Variants in CDC42SE2 observed in about 807,000 individuals in gnomAD.
CDC42SE2 encodes CDC42 small effector 2, also known as CDC42 small effector protein 2.
A neutral mutation model predicts 11.5 loss-of-function variants in CDC42SE2; 3 were observed. The ratio of observed to expected loss-of-function variants is 0.26; its 90% CI spans 0.12 to 0.67. The LOEUF (loss-of-function observed/expected upper bound fraction) is 0.67, where lower values mean the gene tolerates loss of function less well. Among genes scored for constraint, CDC42SE2 ranks in the 30% least tolerant of loss-of-function variants. The pLI is 0.80. For synonymous variants in CDC42SE2, 33 were observed against 34.8 expected (o/e 0.95, Z 0.18); for missense variants, 82 against 106.8 (o/e 0.77, Z 1.02).
chr5:131,378,755 G>A (rs1194341641), intron 3 of CDC42SE2, among the ~76,000 whole-genome samples: 6 of 152,166 alleles, frequency 3.9e-5, no homozygotes, highest in Admixed American at 3.9e-4. Flanking sequence ...TTCTCAAACT[G>A]TGGAATCAGA....
At chr5:131,341,152 C>G (rs925487551) in intron 2 of CDC42SE2, among the ~76,000 whole-genome samples, 2 of 152,112 alleles carry the variant, frequency 1.3e-5, no homozygotes, top group African/African-American at 2.4e-5. Flanking sequence ...GGTATAGGTA[C>G]TATTATTTTC....
the CDC42SE2 span, among the ~76,000 whole-genome samples, chr5:131,217,536 G>A: frequency 6.6e-6 from 1 of 152,138 alleles, no homozygotes; most frequent in Admixed American, 6.6e-5. Flanking sequence ...ATCAACATGG[G>A]AAAAAATATT....
intron 3 of CDC42SE2, among the ~76,000 whole-genome samples, chr5:131,359,775 G>A (rs1749655338): frequency 6.6e-6 from 1 of 152,184 alleles, no homozygotes. Flanking sequence ...ATGACTGAGA[G>A]GAGGTGTTCT....
intron 2 of CDC42SE2, among the ~76,000 whole-genome samples, chr5:131,322,344 C>T (rs1758209751): frequency 6.6e-6 from 1 of 152,074 alleles, no homozygotes; most frequent in Admixed American, 6.6e-5. Context: ...ATTGCCATCC[C>T]CCAGTACCCA....
chr5:131,339,836 T>C (rs1337993850), intron 2 of CDC42SE2, among the ~76,000 whole-genome samples: 4 of 151,064 alleles, frequency 2.6e-5, no homozygotes, highest in African/African-American at 9.7e-5. Flanking sequence ...GAGAGAAAAT[T>C]ATGATCATTG....
chr5:131,369,814 A>C (rs1045738846), intron 3 of CDC42SE2, among the ~76,000 whole-genome samples: 4 of 152,358 alleles, frequency 2.6e-5, no homozygotes, highest in Non-Finnish European at 5.9e-5. Flanking sequence ...ACAGTGTAAG[A>C]CTAATTATTT....
the CDC42SE2 span, among the ~76,000 whole-genome samples, chr5:131,227,028 G>C: frequency 6.6e-6 from 1 of 152,130 alleles, no homozygotes; most frequent in Admixed American, 6.5e-5. Flanking sequence ...AAATAAAGAA[G>C]ACCAATGACC....
intron 2 of CDC42SE2, among the ~76,000 whole-genome samples, chr5:131,338,745 C>T (rs1362401650): frequency 1.3e-5 from 2 of 152,192 alleles, no homozygotes; most frequent in African/African-American, 2.4e-5. Context: ...CAAACTTAGG[C>T]TGTGTAGTTT....
At position 131,393,478 on chromosome 5, in the gene CDC42SE2, T is replaced by TAAC. The variant is rs1561441980; in HGVS notation, c.*2391_*2393dup. ...AGTAGACATTTTGCAGTTTGTTTAA[T>TAAC]AACAACTTCTAAAGTAAGTTGAATT... On this transcript the variant is annotated 3_prime_UTR_variant, in exon 5 of 5. Transcript: ENST00000505065. 2 of 152,376 alleles carry TAAC rather than the reference T, an allele frequency of 1.3e-5. No homozygotes were observed. Among genetic ancestry groups the TAAC allele is most frequent in the East Asian group, 1.9e-4 (1 of 5,336 alleles). The allele number at this position is 152,376 out of a possible 1,614,324, so 9.4% of individuals were successfully genotyped here.
intron 4 of CDC42SE2, among the ~76,000 whole-genome samples, chr5:131,388,342 C>T (rs975870279): frequency 1.8e-4 from 27 of 152,172 alleles, no homozygotes; most frequent in African/African-American, 6.3e-4. Context: ...TTTGATGAGC[C>T]TGACTCTGTG....
chr5:131,233,422 C>G, the CDC42SE2 span, among the ~76,000 whole-genome samples: 1 of 152,164 alleles, frequency 6.6e-6, no homozygotes, highest in Non-Finnish European at 1.5e-5. Context: ...GGCAGGAGTG[C>G]AGTGATGCGA....
the CDC42SE2 span, among the ~76,000 whole-genome samples, chr5:131,233,401 A>T: frequency 2.0e-5 from 3 of 152,086 alleles, no homozygotes; most frequent in Non-Finnish European, 4.4e-5. Flanking sequence ...ACAGATTCTC[A>T]CTGTCACCCA....
At chr5:131,310,842 C>A (rs1006120378) in intron 1 of CDC42SE2, among the ~76,000 whole-genome samples, 2 of 152,046 alleles carry the variant, frequency 1.3e-5, no homozygotes, top group South Asian at 4.2e-4. Context: ...TGTGTCTCTG[C>A]ACGTGAGATG....
chr5:131,352,119 A>G lies in CDC42SE2; in HGVS notation c.-285-7090A>G, dbSNP rs193122658. ...ACTGTACACCCACTAGGATGACTAG[A>G]ATTAAAAAGATTGATAGTACAAAGA... On this transcript the variant is annotated intron_variant, in intron 2 of 4. Coordinates refer to ENST00000505065, the MANE Select transcript of CDC42SE2 (RefSeq NM_001375635.1). 2.6e-4 allele frequency among the ~76,000 whole-genome samples: 40 copies of G among 152,332 alleles called. 1 individual carries two copies. Among genetic ancestry groups the G allele is most frequent in the Admixed American group, 2.5e-3 (39 of 15,302 alleles).
At chr5:131,370,529 C>A (rs1749988417) in intron 3 of CDC42SE2, among the ~76,000 whole-genome samples, 1 of 151,154 alleles carries the variant, frequency 6.6e-6, no homozygotes, top group Admixed American at 6.6e-5. Flanking sequence ...TGCTTTGTTG[C>A]CCAGGCTGGT....
chr5:131,320,348 T>TG (rs1006048525), intron 2 of CDC42SE2, among the ~76,000 whole-genome samples: 1 of 151,006 alleles, frequency 6.6e-6, no homozygotes, highest in Non-Finnish European at 1.5e-5. Context: ...GCTGAGATTG[T>TG]GCCACTGTAC....
intron 1 of CDC42SE2, among the ~76,000 whole-genome samples, chr5:131,285,887 T>G (rs1459270771): frequency 7.2e-5 from 11 of 152,136 alleles, no homozygotes; most frequent in Admixed American, 7.2e-4. Context: ...CACAATTGTT[T>G]CTAAACCTTC....
At chr5:131,235,423 G>T in the CDC42SE2 span, among the ~76,000 whole-genome samples, 1 of 151,444 alleles carries the variant, frequency 6.6e-6, no homozygotes, top group South Asian at 2.1e-4. Flanking sequence ...CCGAGTAGCT[G>T]AGACTACAGG....
upstream of CDC42SE2, among the ~76,000 whole-genome samples, chr5:131,261,104 T>A (rs1756721551): frequency 6.6e-6 from 1 of 151,990 alleles, no homozygotes. Context: ...TGTTCCTTCC[T>A]GTTGTTTTTG....
Sources: allele counts gnomAD v4.1 joint callset (sites outside exome capture counted in the v4.1 genomes callset), GRCh38; gene constraint gnomAD v4.1.1; transcripts MANE v1.5; gene names NCBI Gene and HGNC (gene_info 2026-07-23, HGNC 2026-07-21).